PPP2R2B: variants seen among roughly 807,000 people sequenced by gnomAD.
PPP2R2B encodes the protein serine/threonine-protein phosphatase 2A 55 kDa regulatory subunit B beta isoform.
Under a neutral mutation model 46.0 loss-of-function variants are expected in PPP2R2B, and 5 were observed. That is an observed-to-expected ratio of 0.11 (90% confidence interval 0.06 to 0.23). The LOEUF (loss-of-function observed/expected upper bound fraction) is 0.23. PPP2R2B is among the 10% of genes least tolerant of loss of function. The pLI, the probability that PPP2R2B is intolerant of heterozygous loss-of-function variation, is 1.00. For synonymous variants in PPP2R2B, 215 were observed against 206.7 expected (o/e 1.04, Z -0.34); for missense variants, 367 against 575.0 (o/e 0.64, Z 3.70).
intron 2 of PPP2R2B, among the ~76,000 whole-genome samples, chr5:146,808,807 G>A (rs1757347289): frequency 6.6e-6 from 1 of 152,168 alleles, no homozygotes; most frequent in Non-Finnish European, 1.5e-5. Flanking sequence ...AAATTACCTG[G>A]TAACTCTTCT....
intron 1 of PPP2R2B, among the ~76,000 whole-genome samples, chr5:146,911,046 C>A (rs1449779576): frequency 3.3e-5 from 5 of 151,662 alleles, no homozygotes; most frequent in Non-Finnish European, 7.4e-5. Context: ...GTTCAATCAT[C>A]ATTTCCTTAG....
At chr5:146,666,578 C>T (rs2151114946) in intron 5 of PPP2R2B, among the ~76,000 whole-genome samples, 1 of 152,304 alleles carries the variant, frequency 6.6e-6, no homozygotes, top group South Asian at 2.1e-4. Flanking sequence ...CCAGAGTGGA[C>T]AGGGAGTCAG....
intron 6 of PPP2R2B, among the ~76,000 whole-genome samples, chr5:146,647,513 A>T (rs971796857): frequency 7.2e-5 from 11 of 152,204 alleles, no homozygotes; most frequent in Non-Finnish European, 1.5e-5. Context: ...GATGACAATG[A>T]TTATTTTACA....
intron 2 of PPP2R2B, chr5:146,706,686 A>G (rs1276926191): frequency 1.1e-5 from 10 of 872,584 alleles, no homozygotes; most frequent in Middle Eastern, 3.4e-4. Flanking sequence ...GAGCCAGCTG[A>G]TGTTCCGGTT....
intron 1 of PPP2R2B, among the ~76,000 whole-genome samples, chr5:147,047,615 T>C (rs1756603309): frequency 6.6e-6 from 1 of 152,122 alleles, no homozygotes; most frequent in Admixed American, 6.6e-5. Context: ...AAAGCAATTG[T>C]CTGATATATG....
chr5:146,885,582 A>T (rs541288670), intron 1 of PPP2R2B, among the ~76,000 whole-genome samples: 78 of 152,334 alleles, frequency 5.1e-4, no homozygotes, highest in Middle Eastern at 6.8e-3. Flanking sequence ...AATATTAAGC[A>T]CAGTTACCAT....
chr5:146,898,398 T>C (rs958922658), intron 1 of PPP2R2B, among the ~76,000 whole-genome samples: 2 of 152,140 alleles, frequency 1.3e-5, no homozygotes, highest in South Asian at 4.1e-4. Flanking sequence ...TAATAAATGG[T>C]GCTGGGAAAA....
rs565190535 is a variant in PPP2R2B at position 147,004,232 on chromosome 5, C to A, written c.79+51433G>T. Among the ~76,000 whole-genome samples the A allele has an allele frequency of 8.9e-4, 135 of 152,040 alleles. 1 individual carries two copies. The highest frequency in any genetic ancestry group is 3.1e-3 in the African/African-American group (130 of 41,426). On this transcript the variant is annotated intron_variant, in intron 1 of 8. Coordinates refer to the PPP2R2B transcript ENST00000336640. ...TGTCCAATGAGAAACAAGCCACCCCCTCATCCATGTCTGCTATGCCGAGGC... is the reference window on the plus strand; with the variant it reads ...TGTCCAATGAGAAACAAGCCACCCCATCATCCATGTCTGCTATGCCGAGGC...
chr5:146,700,063 T>G (rs1287297743), intron 3 of PPP2R2B, among the ~76,000 whole-genome samples: 1 of 152,196 alleles, frequency 6.6e-6, no homozygotes, highest in East Asian at 1.9e-4. Context: ...TTGCAAATAA[T>G]GTGCAATTAC....
intron 2 of PPP2R2B, among the ~76,000 whole-genome samples, chr5:146,805,237 G>A (rs1368497215): frequency 6.6e-6 from 1 of 152,088 alleles, no homozygotes; most frequent in Non-Finnish European, 1.5e-5. Flanking sequence ...AGCCATTTGT[G>A]CATGAAGTCA....
intron 2 of PPP2R2B, among the ~76,000 whole-genome samples, chr5:146,724,331 G>C (rs578211378): frequency 3.3e-5 from 5 of 150,686 alleles, no homozygotes; most frequent in African/African-American, 7.4e-5. Context: ...TTTTTTGAGG[G>C]TTACATGAGA....
intron 1 of PPP2R2B, among the ~76,000 whole-genome samples, chr5:147,028,197 C>A (rs1755618002): frequency 6.6e-6 from 1 of 152,210 alleles, no homozygotes; most frequent in Non-Finnish European, 1.5e-5. Flanking sequence ...CCTCTAGAAA[C>A]AAAGAACTCA....
At chr5:146,893,603 T>A (rs949398849) in intron 1 of PPP2R2B, among the ~76,000 whole-genome samples, 2 of 152,044 alleles carry the variant, frequency 1.3e-5, no homozygotes, top group African/African-American at 4.8e-5. Flanking sequence ...GCGGATCATT[T>A]GAGGTCAGGA....
At chr5:146,960,418 T>A (rs996216826) in intron 1 of PPP2R2B, among the ~76,000 whole-genome samples, 3 of 152,058 alleles carry the variant, frequency 2.0e-5, no homozygotes, top group African/African-American at 4.8e-5. Flanking sequence ...GCCTCCTGAG[T>A]AGCTGGGGTT....
At chr5:146,644,234 CAAAAAAAAAAAAAAAAAAAA>C (rs58634387) in intron 6 of PPP2R2B, among the ~76,000 whole-genome samples, 7 of 60,666 alleles carry the variant, frequency 1.2e-4, no homozygotes, top group African/African-American at 4.4e-4. Context: ...AGGAAAGTTT[CAAAAAAAAAAAAAAAAAAAA>C]AAAAAAAAAG....
At chr5:146,712,098 G>A (rs1211935371) in intron 2 of PPP2R2B, among the ~76,000 whole-genome samples, 5 of 152,108 alleles carry the variant, frequency 3.3e-5, no homozygotes, top group Admixed American at 2.0e-4. Flanking sequence ...ATGAGGTCCC[G>A]ATGTCAAACA....
intron 2 of PPP2R2B, among the ~76,000 whole-genome samples, chr5:146,717,248 C>G (rs1780548716): frequency 6.6e-6 from 1 of 152,166 alleles, no homozygotes; most frequent in African/African-American, 2.4e-5. Flanking sequence ...CCAGGAATAG[C>G]AGATAGGAGA....
intron 2 of PPP2R2B, among the ~76,000 whole-genome samples, chr5:146,829,415 A>G (rs2151346949): frequency 6.6e-6 from 1 of 152,348 alleles, no homozygotes; most frequent in Admixed American, 6.5e-5. Flanking sequence ...ATGAAAAATG[A>G]TATTAAAAAA....
intron 6 of PPP2R2B, among the ~76,000 whole-genome samples, chr5:146,644,310 G>A (rs944545445): frequency 5.8e-5 from 1 of 17,258 alleles, no homozygotes. Context: ...AATTGTTTTT[G>A]GCTTTGGCTT....
Sources: gnomAD v4.1 joint callset for allele counts (sites outside exome capture counted in the v4.1 genomes callset) on GRCh38, gnomAD v4.1.1 for gene constraint, MANE v1.5 for transcripts, NCBI Gene and HGNC (gene_info 2026-07-23, HGNC 2026-07-21) for gene names.